Variants in THRB observed in about 807,000 individuals in gnomAD.
The protein encoded by THRB is thyroid hormone receptor beta.
In THRB, 12 loss-of-function variants were observed where a neutral mutation model predicts 47.8. The observed-to-expected ratio is 0.25, with a 90% CI of 0.16 to 0.41. THRB has a LOEUF of 0.41. Ranked by LOEUF, THRB falls within the 10% of genes least tolerant of loss-of-function variation. The pLI, the probability that THRB is intolerant of heterozygous loss-of-function variation, is 1.00. For synonymous variants in THRB, 218 were observed against 212.2 expected (o/e 1.03, Z -0.24); for missense variants, 348 against 589.2 (o/e 0.59, Z 4.24).
chr3:24,205,171 T>C (rs572963975), intron 4 of THRB, among the ~76,000 whole-genome samples: 110 of 152,198 alleles, frequency 7.2e-4, no homozygotes, highest in African/African-American at 2.4e-3. Flanking sequence ...AGATACTCCT[T>C]GAGAAGAGCA....
intron 1 of THRB, among the ~76,000 whole-genome samples, chr3:24,368,405 A>G (rs1188807262): frequency 6.6e-6 from 1 of 152,150 alleles, no homozygotes; most frequent in Non-Finnish European, 1.5e-5. Context: ...TGTCTAATAC[A>G]ATGTACCATT....
intron 5 of THRB, among the ~76,000 whole-genome samples, chr3:24,179,780 T>A (rs186134717): frequency 5.3e-5 from 8 of 152,320 alleles, no homozygotes; most frequent in Non-Finnish European, 1.0e-4. Flanking sequence ...TTTGCATAAT[T>A]TTATTTTTTA....
chr3:24,330,027 C>T (rs2061816227), intron 2 of THRB, among the ~76,000 whole-genome samples: 2 of 152,232 alleles, frequency 1.3e-5, no homozygotes, highest in Non-Finnish European at 2.9e-5. Context: ...TCATTTCGGC[C>T]AGGCGCGGTG....
chr3:24,353,950 C>T (rs577497934), intron 1 of THRB, among the ~76,000 whole-genome samples: 1 of 152,140 alleles, frequency 6.6e-6, no homozygotes, highest in Admixed American at 6.5e-5. Flanking sequence ...TAGTCTTGTG[C>T]CCTGATTTCA....
chr3:24,271,224 T>C (rs1559788547), intron 3 of THRB, among the ~76,000 whole-genome samples: 2 of 152,240 alleles, frequency 1.3e-5, no homozygotes, highest in African/African-American at 2.4e-5. Flanking sequence ...CATTTGTTTT[T>C]AAACCAGAGC....
At chr3:24,179,818 A>G (rs969506424) in intron 5 of THRB, among the ~76,000 whole-genome samples, 13 of 152,212 alleles carry the variant, frequency 8.5e-5, no homozygotes, top group African/African-American at 2.9e-4. Context: ...TATATTCCTG[A>G]TATCAAAAAG....
In THRB at chr3:24,325,483, T is replaced by C. The variant is rs180738458; in HGVS notation, c.-189+11817A>G. Reference sequence around the variant, plus strand: ...GGATGGATCACCTAAGGTCAGGAGTTCGAGATCAGCCTGGCCAACAGGGCA... The same window carrying C: ...GGATGGATCACCTAAGGTCAGGAGTCCGAGATCAGCCTGGCCAACAGGGCA... On this transcript the variant is annotated intron_variant, in intron 2 of 10. Coordinates refer to ENST00000646209, the MANE Select transcript of THRB (RefSeq NM_001354712.2). Among the ~76,000 whole-genome samples, 92 of 152,276 alleles carry C rather than the reference T, an allele frequency of 6.0e-4. No individual in the cohort carries two copies. In the Middle Eastern group the frequency reaches 0.01, roughly 17 times the overall value.
chr3:24,439,255 G>C (rs1358141559), intron 1 of THRB, among the ~76,000 whole-genome samples: 1 of 152,138 alleles, frequency 6.6e-6, no homozygotes, highest in African/African-American at 2.4e-5. Context: ...AAGAGGATAT[G>C]ACAGCCAACA....
At chr3:24,343,735 C>T (rs1277391275) in intron 1 of THRB, among the ~76,000 whole-genome samples, 1 of 151,956 alleles carries the variant, frequency 6.6e-6, no homozygotes, top group African/African-American at 2.4e-5. Flanking sequence ...CCCAGACAGG[C>T]ATTGCCAACC....
chr3:24,275,214 CA>C (rs1335274603), intron 3 of THRB, among the ~76,000 whole-genome samples: 3 of 151,780 alleles, frequency 2.0e-5, no homozygotes, highest in Admixed American at 2.0e-4. Flanking sequence ...TTTCTTCGTG[CA>C]AAAAAGATTT....
intron 1 of THRB, chr3:24,455,159 T>A (rs576015123): frequency 1.4e-5 from 2 of 140,078 alleles, no homozygotes; most frequent in East Asian, 4.4e-4. Context: ...GTAGGAAGTT[T>A]ACATTGGAGT....
At chr3:24,291,611 T>C (rs989299479) in intron 3 of THRB, among the ~76,000 whole-genome samples, 2 of 152,242 alleles carry the variant, frequency 1.3e-5, no homozygotes, top group African/African-American at 4.8e-5. Context: ...CTGTATTGTT[T>C]AGCAAATAAC....
intron 2 of THRB, among the ~76,000 whole-genome samples, chr3:24,316,977 G>C (rs1050446972): frequency 6.6e-6 from 1 of 152,124 alleles, no homozygotes; most frequent in African/African-American, 2.4e-5. Context: ...TCCTCCTCAG[G>C]TTAACATTGC....
At chr3:24,174,797 C>T (rs991282789) in intron 5 of THRB, among the ~76,000 whole-genome samples, 2 of 152,154 alleles carry the variant, frequency 1.3e-5, no homozygotes, top group Non-Finnish European at 2.9e-5. Context: ...TCACAGCAAT[C>T]CTGCTTGTAG....
chr3:24,400,893 G>A (rs1343418743), intron 1 of THRB, among the ~76,000 whole-genome samples: 1 of 152,020 alleles, frequency 6.6e-6, no homozygotes, highest in Non-Finnish European at 1.5e-5. Context: ...ACAACTTCAT[G>A]CTCTGTAAGT....
intron 1 of THRB, among the ~76,000 whole-genome samples, chr3:24,368,932 G>C (rs185327298): frequency 1.3e-5 from 2 of 152,276 alleles, no homozygotes. Flanking sequence ...TCGGAGGGGA[G>C]AGATCAGGTT....
chr3:24,408,897 A>G (rs1039716331), intron 1 of THRB, among the ~76,000 whole-genome samples: 3 of 151,872 alleles, frequency 2.0e-5, no homozygotes, highest in Non-Finnish European at 4.4e-5. Context: ...ATACTCTATA[A>G]AAATGTCAGC....
At chr3:24,483,513 C>T (rs1290079435) in intron 1 of THRB, among the ~76,000 whole-genome samples, 1 of 144,312 alleles carries the variant, frequency 6.9e-6, no homozygotes, top group African/African-American at 2.6e-5. Context: ...AAAAAAAAAA[C>T]ATGTTAATAA....
intron 5 of THRB, among the ~76,000 whole-genome samples, chr3:24,172,401 G>A (rs1024036476): frequency 6.6e-6 from 1 of 152,106 alleles, no homozygotes; most frequent in South Asian, 2.1e-4. Flanking sequence ...TTGGGCTCTT[G>A]AATTAAGTCT....
Sources: gnomAD v4.1 joint callset for allele counts (sites outside exome capture counted in the v4.1 genomes callset) on GRCh38, gnomAD v4.1.1 for gene constraint, MANE v1.5 for transcripts, NCBI Gene and HGNC (gene_info 2026-07-23, HGNC 2026-07-21) for gene names.